Variants in FLG observed in about 807,000 individuals in gnomAD.
FLG encodes the protein filaggrin.
A neutral mutation model predicts 3.8 loss-of-function variants in FLG; 6 were observed. The observed-to-expected ratio is 1.60, with a 90% CI of 0.87 to 3.15. FLG has a LOEUF of 3.15. Among genes scored for constraint, FLG ranks in the 30% most tolerant of loss-of-function variants. The probability of loss-of-function intolerance (pLI) is 0.00; values close to 1 mark genes in which losing one functional copy is unlikely to be tolerated. For synonymous variants in FLG, 2,551 were observed against 1,931.6 expected (o/e 1.32, Z -8.41); for missense variants, 7,595 against 5,050.9 (o/e 1.50, Z -15.27).
intron 1 of FLG, among the ~76,000 whole-genome samples, chr1:152,318,284 T>C (rs1417814512): frequency 6.6e-6 from 1 of 151,960 alleles, no homozygotes; most frequent in Non-Finnish European, 1.5e-5. Context: ...CTACTGAAAC[T>C]GCTTTGTGTC....
rs193139392 is a variant in FLG at position 152,303,145 on chromosome 1, T to G, written c.11741A>C (p.Gln3914Pro). Residue 3914 changes from glutamine to proline, a missense_variant, in exon 3 of 3, where the codon CAG becomes CCG. Coordinates refer to ENST00000368799, the MANE Select transcript of FLG (RefSeq NM_002016.2). ...SSHRDTASHV[Q>P]SSPVQSDSST... is the part of the protein sequence containing the mutation. ...AGAGTCTGACTGTACAGGTGAAGACTGTACATGACTGGCTGTATCGCGGTG... is the reference window on the plus strand; with the variant it reads ...AGAGTCTGACTGTACAGGTGAAGACGGTACATGACTGGCTGTATCGCGGTG... 6.2e-7 allele frequency: 1 copy of G among 1,614,160 alleles called. No individual in the cohort carries two copies. Among genetic ancestry groups the G allele is most frequent in the Admixed American group, 1.7e-5 (1 of 60,032 alleles).
In FLG at chr1:152,310,121, G is replaced by A. The variant is rs199547111; in HGVS notation, c.4765C>T (p.Arg1589Cys). The change falls in exon 3 of 3, where the codon CGC becomes TGC. Residue 1589 changes from arginine to cysteine, a missense_variant. Arg to Cys is a radical substitution (Grantham distance 180, BLOSUM62 -3). Transcript: ENST00000368799. ...GESAGSKTSR[R>C]QGSSVSQDRD... ...TCCTGACTAACACTGGATCCCTGGCGCCTGCTTGTCTTGGACCCCGCTGAT... is the reference window on the plus strand; with the variant it reads ...TCCTGACTAACACTGGATCCCTGGCACCTGCTTGTCTTGGACCCCGCTGAT... 283 of 1,613,878 alleles carry A rather than the reference G, an allele frequency of 1.8e-4. No homozygotes were observed. The Middle Eastern group carries it at 2.8e-3, about 16-fold the overall frequency.
At position 152,304,728 on chromosome 1, in the gene FLG, G is replaced by A. The variant is rs750583328; in HGVS notation, c.10158C>T (p.Phe3386=). The change falls in exon 3 of 3, where the codon TTC becomes TTT. Residue 3386 remains phenylalanine, a synonymous_variant. Coordinates refer to ENST00000368799, the MANE Select transcript of FLG (RefSeq NM_002016.2). ...GTTCATGAGTGCTCACCTGGTAGAG[G>A]AAAGACCCTGAACGTCCAGACCTTC... ...SGGRSGRSGS[F]LYQVSTHEQS... 18 of 1,613,302 alleles carry A rather than the reference G, an allele frequency of 1.1e-5. No individual in the cohort carries two copies. The Admixed American group carries it at 1.8e-4, about 16-fold the overall frequency.
rs1225265642 is a variant in FLG at position 152,307,690 on chromosome 1, G to T, written c.7196C>A (p.Ser2399Tyr). ...CCTTCCTGCTGACCGGCCACGTGTGGACTCTTGGTGGCTCTGCTGATGGGG... is the reference window on the plus strand; with the variant it reads ...CCTTCCTGCTGACCGGCCACGTGTGTACTCTTGGTGGCTCTGCTGATGGGG... ...AGPHQQSHQESTRGRSAGRSG... is the reference protein window; with the variant it reads ...AGPHQQSHQEYTRGRSAGRSG... The change falls in exon 3 of 3, where the codon TCC becomes TAC. Residue 2399 changes from serine to tyrosine, a missense_variant. Physicochemically the swap from Ser to Tyr is moderately radical, Grantham distance 144. Transcript: ENST00000368799. The T allele has an allele frequency of 2.5e-6, 4 of 1,613,360 alleles. No individual in the cohort carries two copies. The highest frequency in any genetic ancestry group is 2.7e-5 in the African/African-American group (2 of 74,644).
At position 152,303,800 on chromosome 1, in the gene FLG, T is replaced by G; in HGVS notation, c.11086A>C (p.Thr3696Pro). The change falls in exon 3 of 3, where the codon ACA (threonine) becomes CCA (proline). Residue 3696 changes from threonine (T) to proline (P), a missense_variant. Physicochemically the swap from Thr to Pro is conservative, Grantham distance 38 (BLOSUM62 -1). Coordinates refer to ENST00000368799, the MANE Select transcript of FLG (RefSeq NM_002016.2). Reference sequence around the variant, plus strand: ...GACCTTCCTGCTGACCGGCCACGTGTGGACTCTTGGTGGCTCTGCTGATGG... The same window carrying G: ...GACCTTCCTGCTGACCGGCCACGTGGGGACTCTTGGTGGCTCTGCTGATGG... ...GPHQQSHQES[T>P]RGRSAGRSGR... 1.2e-6 allele frequency: 2 copies of G among 1,613,530 alleles called. No individual in the cohort carries two copies. The highest frequency in any genetic ancestry group is 1.7e-6 in the Non-Finnish European group (2 of 1,179,792).
rs770243299 is a variant in FLG at position 152,303,770 on chromosome 1, G to A, written c.11116C>T (p.Arg3706Cys). Residue 3706 changes from arginine to cysteine, a missense_variant, in exon 3 of 3, where the codon CGT becomes TGT. Coordinates refer to ENST00000368799, the MANE Select transcript of FLG (RefSeq NM_002016.2). ...TRGRSAGRSG[R>C]SGSFLYQVST... ...ACCTGGTAGAGGAAAGACCCTGAAC[G>A]TCCAGACCTTCCTGCTGACCGGCCA... 36 of 1,613,632 alleles carry A rather than the reference G, an allele frequency of 2.2e-5. No individual in the cohort carries two copies. The highest frequency in any genetic ancestry group is 6.7e-5 in the African/African-American group (5 of 74,984).
Position 152,303,336 on chromosome 1 carries a change from T to A in FLG, c.11550A>T (p.Ser3850=), listed in dbSNP as rs1557869823. 1.2e-6 allele frequency: 2 copies of A among 1,614,122 alleles called. No homozygotes were observed. The highest frequency in any genetic ancestry group is 1.7e-6 in the Non-Finnish European group (2 of 1,180,016). ...GGCGCCTGCTTCTCCTGGACCCCGC[T>A]GATTCACCCTGGCCGGACTGTGAGT... ...SRHSQSGQGE[S]AGSRRSRRQG... The change falls in exon 3 of 3, where the codon TCA becomes TCT. Residue 3850 remains serine, a synonymous_variant. Transcript: ENST00000368799.
chr1:152,317,251 A>T (rs1257664406), intron 1 of FLG, among the ~76,000 whole-genome samples: 1 of 151,344 alleles, frequency 6.6e-6, no homozygotes, highest in Non-Finnish European at 1.5e-5. Context: ...TCTCCACCCC[A>T]CCCTCAATCT....
In FLG at chr1:152,313,504, C is replaced by T. The variant is rs766603097; in HGVS notation, c.1382G>A (p.Arg461Gln). 11 of 1,613,766 alleles carry T rather than the reference C, an allele frequency of 6.8e-6. No individual in the cohort carries two copies. Among genetic ancestry groups the T allele is most frequent in the African/African-American group, 4.0e-5 (3 of 74,828 alleles). ...QESTRGRSGE[R>Q]SGRSGSSLYQ... ...GAGGGAAGACCCTGAACGTCCAGACCGTTCCCCTGACCGGCCACGTGTGGA... is the reference window on the plus strand; with the variant it reads ...GAGGGAAGACCCTGAACGTCCAGACTGTTCCCCTGACCGGCCACGTGTGGA... Residue 461 changes from arginine (R) to glutamine (Q), a missense_variant, in exon 3 of 3, where the codon CGG becomes CAG. Transcript: ENST00000368799.
In FLG at chr1:152,304,587, G is replaced by A; in HGVS notation, c.10299C>T (p.Thr3433=). The change falls in exon 3 of 3, where the codon ACC becomes ACT. Residue 3433 remains threonine, a synonymous_variant. Coordinates refer to ENST00000368799, the MANE Select transcript of FLG (RefSeq NM_002016.2). ...TGCTTGACCCCGGGTGTCCACGAAT[G>A]GTGTCCTGACCCTCTTGGGACGCTG... ...RHSASQEGQD[T]IRGHPGSSRR... is the part of the protein sequence containing the mutation. 1 of 1,610,548 alleles carries A rather than the reference G, an allele frequency of 6.2e-7. No homozygotes were observed. Among genetic ancestry groups the A allele is most frequent in the Non-Finnish European group, 8.5e-7 (1 of 1,178,408 alleles).
rs1310174611 is a variant in FLG, at chr1:152,307,984, T to A, written c.6902A>T (p.Gln2301Leu). The A allele has an allele frequency of 6.2e-7, 1 of 1,614,176 alleles. No individual in the cohort carries two copies. The highest frequency in any genetic ancestry group is 8.5e-7 in the Non-Finnish European group (1 of 1,180,036). ...ATTCTCTGCATGATGAGTGCCTGAT[T>A]GTCTGGAGCTCTCTGCAGAGTGCCC... ...GHGHSAESSR[Q>L]SGTHHAENSS... is the part of the protein sequence containing the mutation. The change falls in exon 3 of 3, where the codon CAA becomes CTA. Residue 2301 changes from glutamine (Q) to leucine (L), a missense_variant. Gln to Leu is a moderately radical substitution (Grantham distance 113, BLOSUM62 -2). Coordinates refer to ENST00000368799, the MANE Select transcript of FLG (RefSeq NM_002016.2).
rs139262132 is a variant in FLG at position 152,304,624 on chromosome 1, C to T, written c.10262G>A (p.Ser3421Asn). 5.1e-3 allele frequency: 8,276 copies of T among 1,612,998 alleles called. 81 individuals carry two copies. Among genetic ancestry groups the T allele is most frequent in the Non-Finnish European group, 5.1e-3 (5,995 of 1,179,674 alleles). ...CTCTTGGGACGCTGAGTGCCTGGAG[C>T]TGTCTCGTGCCTGCTCGTGGTGGGA... ...QGSHHEQARD[S>N]SRHSASQEGQ... Residue 3421 changes from serine to asparagine, a missense_variant, in exon 3 of 3, where the codon AGC (serine) becomes AAC (asparagine). By Grantham distance (46) the Ser-to-Asn change is conservative. Transcript: ENST00000368799.
Position 152,309,793 on chromosome 1 carries a change from C to T in FLG, c.5093G>A (p.Gly1698Glu). 6.2e-7 allele frequency: 1 copy of T among 1,613,914 alleles called. No homozygotes were observed. The highest frequency in any genetic ancestry group is 1.3e-5 in the African/African-American group (1 of 74,946). The change falls in exon 3 of 3, where the codon GGG becomes GAG. Residue 1698 changes from glycine (G) to glutamate (E), a missense_variant. Gly to Glu is a moderately conservative substitution (Grantham distance 98). Coordinates refer to ENST00000368799, the MANE Select transcript of FLG (RefSeq NM_002016.2). ...GACTACAGATGAATCTTGTCTGCGC[C>T]CAGTGCCTGAGTCTGTGGAGCTGTC... ...SADSSTDSGTGRRQDSSVVGD... is the reference protein window; with the variant it reads ...SADSSTDSGTERRQDSSVVGD...
Position 152,310,965 on chromosome 1 carries a change from T to G in FLG, c.3921A>C (p.Arg1307Ser). The G allele has an allele frequency of 6.2e-7, 1 of 1,613,910 alleles. No individual in the cohort carries two copies. Among genetic ancestry groups the G allele is most frequent in the Non-Finnish European group, 8.5e-7 (1 of 1,179,966 alleles). Residue 1307 changes from arginine to serine, a missense_variant, in exon 3 of 3, where the codon AGA (arginine) becomes AGC (serine). Physicochemically the swap from Arg to Ser is moderately radical, Grantham distance 110. Coordinates refer to ENST00000368799, the MANE Select transcript of FLG (RefSeq NM_002016.2). ...TGTCTTCTTGATGGAACCCAGGGTG[T>G]CTGGAGCCATCTCTTGACTGCTCCC... is the stretch of plus-strand genomic sequence containing the variant. Reference protein sequence around the residue: ...SSREQSRDGSRHPGFHQEDRA... With the variant: ...SSREQSRDGSSHPGFHQEDRA...
chr1:152,309,557 A>T lies in FLG; in HGVS notation c.5329T>A (p.Ser1777Thr). 1 of 1,613,234 alleles carries T rather than the reference A, an allele frequency of 6.2e-7. No individual in the cohort carries two copies. The change falls in exon 3 of 3, where the codon TCC becomes ACC. Residue 1777 changes from serine (S) to threonine (T), a missense_variant. Physicochemically the swap from Ser to Thr is moderately conservative, Grantham distance 58. Coordinates refer to ENST00000368799, the MANE Select transcript of FLG (RefSeq NM_002016.2). ...CTGGGCCCTGTGCGTCCATGGGCGG[A>T]CTCAGACTGTTCATGAGTGCTCACC... ...YQVSTHEQSE[S>T]AHGRTGPSTG... is the part of the protein sequence containing the mutation.
In FLG at chr1:152,311,771, G is replaced by C. The variant is rs752987819; in HGVS notation, c.3115C>G (p.Gln1039Glu). The change falls in exon 3 of 3, where the codon CAG (glutamine) becomes GAG (glutamate). Residue 1039 changes from glutamine to glutamate, a missense_variant. Gln to Glu is a conservative substitution (Grantham distance 29). Transcript: ENST00000368799. ...GAGTGTCTGGAGCTGTCTGCTGACTGCTGGTGGCGGGATCCGTGTCTTTCT... is the reference window on the plus strand; with the variant it reads ...GAGTGTCTGGAGCTGTCTGCTGACTCCTGGTGGCGGGATCCGTGTCTTTCT... ...PGERHGSRHQ[Q>E]SADSSRHSGI... 1 of 1,614,050 alleles carries C rather than the reference G, an allele frequency of 6.2e-7. No individual in the cohort carries two copies. Among genetic ancestry groups the C allele is most frequent in the Non-Finnish European group, 8.5e-7 (1 of 1,180,044 alleles).
chr1:152,312,009 A>C lies in FLG; in HGVS notation c.2877T>G (p.Ser959=), dbSNP rs1391624631. 6.2e-7 allele frequency: 1 copy of C among 1,613,704 alleles called. No homozygotes were observed. The highest frequency in any genetic ancestry group is 8.5e-7 in the Non-Finnish European group (1 of 1,179,882). The change falls in exon 3 of 3, where the codon TCT becomes TCG. Residue 959 remains serine, a synonymous_variant. Coordinates refer to ENST00000368799, the MANE Select transcript of FLG (RefSeq NM_002016.2). ...TGGAAGCAGACCCAGACCACCTCTC[A>C]GAGTCTTCTGAATGTCCCTCACTGT... The part of the protein sequence containing the change: ...DSDSEGHSED[S]ERWSGSASRN...
rs2101641791 is a variant in FLG, at chr1:152,307,623, A to C, written c.7263T>G (p.His2421Gln). ...GTCCATGGGCGGACTCAGACTGTTC[A>C]TGAGTGCTCACCTGGTAGAGGAAAG... ...SGSFLYQVST[H>Q]EQSESAHGRT... The change falls in exon 3 of 3, where the codon CAT becomes CAG. Residue 2421 changes from histidine to glutamine, a missense_variant. Transcript: ENST00000368799. 1 of 1,613,328 alleles carries C rather than the reference A, an allele frequency of 6.2e-7. No individual in the cohort carries two copies.
rs201656440 is a variant in FLG, at chr1:152,303,597, C to A, written c.11289G>T (p.Gly3763=). The change falls in exon 3 of 3, where the codon GGG becomes GGT. Residue 3763 remains glycine (G), a synonymous_variant. Transcript: ENST00000368799. ...ATCCCTGTCTTCCTCCTCTCCTTGA[C>A]CCCGGGTGTCCACGAATGGTGTCCT... ...EGQDTIRGHP[G]SRRGGRQGSY... is the part of the protein sequence containing the mutation. 3.1e-6 allele frequency: 5 copies of A among 1,613,868 alleles called. No individual in the cohort carries two copies. The highest frequency in any genetic ancestry group is 4.2e-6 in the Non-Finnish European group (5 of 1,179,934).
Sources: gnomAD v4.1 joint callset for allele counts (sites outside exome capture counted in the v4.1 genomes callset) on GRCh38, gnomAD v4.1.1 for gene constraint, MANE v1.5 for transcripts, NCBI Gene and HGNC (gene_info 2026-07-23, HGNC 2026-07-21) for gene names.